Variants in EBF4 observed in about 807,000 individuals in gnomAD.
EBF4 encodes EBF transcription factor 4, also known as transcription factor COE4.
A neutral mutation model predicts 67.1 loss-of-function variants in EBF4; 34 were observed. The observed-to-expected ratio is 0.51, with a 90% CI of 0.39 to 0.67. The LOEUF is 0.67. EBF4 is among the 30% of genes least tolerant of loss of function. The pLI is 0.00. For missense variants in EBF4, 837 were observed against 873.3 expected, an observed-to-expected ratio of 0.96 and a Z score of 0.52; for synonymous variants, 387 against 377.7, an observed-to-expected ratio of 1.02 and a Z score of -0.29.
At chr20:2,736,895 G>A (rs539957616) in intron 6 of EBF4, among the ~76,000 whole-genome samples, 3 of 152,270 alleles carry the variant, frequency 2.0e-5, no homozygotes, top group East Asian at 3.9e-4. Flanking sequence ...CCAAGCTTAG[G>A]GCCAGACTGG....
chr20:2,737,214 C>G (rs1249581768), intron 6 of EBF4, among the ~76,000 whole-genome samples: 1 of 145,348 alleles, frequency 6.9e-6, no homozygotes, highest in African/African-American at 2.6e-5. Flanking sequence ...CGCGCCACTG[C>G]ACTCCAGCTT....
chr20:2,705,984 CGG>C lies in EBF4; in HGVS notation c.306_307del (p.Glu103LysfsTer3). The C allele has an allele frequency of 1.3e-6, 2 of 1,551,344 alleles. No homozygotes were observed. Among genetic ancestry groups the C allele is most frequent in the Non-Finnish European group, 1.7e-6 (2 of 1,146,910 alleles). On this transcript the variant is annotated frameshift_variant, in exon 3 of 17. Transcript: ENST00000609451. LOFTEE classifies it high-confidence loss of function. ...ATCTTGTCCCTGCAGGAGCCCGGGGCGGAAAAGACTAACAATGGGATCCATTA... is the reference window on the plus strand; with the variant it reads ...ATCTTGTCCCTGCAGGAGCCCGGGGCAAAAGACTAACAATGGGATCCATTA...
At chr20:2,710,904 G>A (rs181232193) in intron 6 of EBF4, among the ~76,000 whole-genome samples, 25 of 152,302 alleles carry the variant, frequency 1.6e-4, no homozygotes, top group African/African-American at 6.0e-4. Flanking sequence ...CACTTTGGGA[G>A]GCTGAGGCAG....
intron 6 of EBF4, among the ~76,000 whole-genome samples, chr20:2,716,824 C>T (rs1323560421): frequency 1.3e-5 from 2 of 152,064 alleles, no homozygotes; most frequent in Non-Finnish European, 2.9e-5. Flanking sequence ...TATTTTATTC[C>T]TTTGATCTAT....
At chr20:2,723,395 G>C (rs1364146539) in intron 6 of EBF4, among the ~76,000 whole-genome samples, 1 of 151,796 alleles carries the variant, frequency 6.6e-6, no homozygotes, top group Non-Finnish European at 1.5e-5. Flanking sequence ...CTGTCGCCCA[G>C]GCTGGAGTGC....
intron 6 of EBF4, among the ~76,000 whole-genome samples, chr20:2,737,817 GAAAAA>G (rs5839969): frequency 7.0e-6 from 1 of 143,726 alleles, no homozygotes; most frequent in Admixed American, 6.8e-5. Context: ...CTAAAAATGT[GAAAAA>G]AAAAAAAAAA....
intron 6 of EBF4, among the ~76,000 whole-genome samples, chr20:2,719,571 C>G (rs28809533): frequency 0.035 from 5,312 of 152,262 alleles, 324 homozygotes; most frequent in African/African-American, 0.12. Context: ...CCGTGCCTGG[C>G]CTTTTGTATT....
intron 6 of EBF4, among the ~76,000 whole-genome samples, chr20:2,721,523 C>T (rs990924863): frequency 8.6e-5 from 13 of 151,998 alleles, no homozygotes; most frequent in East Asian, 1.9e-4. Context: ...GGCACGATCT[C>T]GGCTCACTGC....
At chr20:2,712,375 C>G in intron 6 of EBF4, among the ~76,000 whole-genome samples, 1 of 152,050 alleles carries the variant, frequency 6.6e-6, no homozygotes, top group South Asian at 2.1e-4. Flanking sequence ...ATTTCATAGG[C>G]AGGACTGACA....
chr20:2,755,307 T>A lies in EBF4; in HGVS notation c.1541-320T>A, dbSNP rs998512498. On this transcript the variant is annotated intron_variant, in intron 14 of 16. Transcript: ENST00000609451. This position sits in a 1 kb window ranked among gnomAD's most constrained non-coding sequence, Gnocchi z 4.7. Reference sequence around the variant, plus strand: ...GAATCCCAGGGGTTTTCAGCAGAAATCCTGAAGTAGTCCAGCTGTTGCTCA... The same window carrying A: ...GAATCCCAGGGGTTTTCAGCAGAAAACCTGAAGTAGTCCAGCTGTTGCTCA... The A allele has an allele frequency of 5.7e-6, 2 of 350,832 alleles. No individual in the cohort carries two copies. The highest frequency in any genetic ancestry group is 4.2e-5 in the African/African-American group (2 of 47,130). 21.7% of individuals were successfully genotyped at this position (350,832 alleles called of 1,614,324 possible).
At chr20:2,693,335 G>C (rs1177085486), upstream of EBF4, among the ~76,000 whole-genome samples, 13 of 150,432 alleles carry the variant, frequency 8.6e-5, no homozygotes, top group Admixed American at 8.6e-4. The surrounding 1 kb of genome is among the most constrained non-coding windows in gnomAD (Gnocchi z 4.6). Context: ...GCGCCTCCGC[G>C]CGGACCGGGT....
chr20:2,748,237 GACTT>G (rs2088080820), intron 6 of EBF4, among the ~76,000 whole-genome samples: 1 of 152,102 alleles, frequency 6.6e-6, no homozygotes, highest in Non-Finnish European at 1.5e-5. Context: ...GTATATAATG[GACTT>G]ACTCTTCATG....
chr20:2,704,106 T>C (rs1156883668), intron 1 of EBF4, among the ~76,000 whole-genome samples: 1 of 152,184 alleles, frequency 6.6e-6, no homozygotes, highest in Non-Finnish European at 1.5e-5. Flanking sequence ...TTGGAAGTTA[T>C]ATGCTATTAC....
At chr20:2,730,694 A>G (rs1028449388) in intron 6 of EBF4, among the ~76,000 whole-genome samples, 2 of 152,238 alleles carry the variant, frequency 1.3e-5, no homozygotes, top group African/African-American at 4.8e-5. Context: ...ACATACATGA[A>G]GCACTGTTCC....
intron 1 of EBF4, among the ~76,000 whole-genome samples, chr20:2,704,395 G>A (rs916093506): frequency 3.3e-5 from 5 of 152,182 alleles, no homozygotes; most frequent in African/African-American, 7.2e-5. Flanking sequence ...TTGGAAGGCC[G>A]TGGCTCAGAG....
chr20:2,760,001 G>A (rs568455899), downstream of EBF4: 3 of 152,248 alleles, frequency 2.0e-5, no homozygotes, highest in South Asian at 2.1e-4. The surrounding 1 kb of genome is among the most constrained non-coding windows in gnomAD (Gnocchi z 4.2). Flanking sequence ...GGGCCCAGCC[G>A]CCCCCCAGGT....
Position 2,755,521 on chromosome 20 carries a change from A to G in EBF4, c.1541-106A>G, listed in dbSNP as rs2088227786. 7 of 655,652 alleles carry G rather than the reference A, an allele frequency of 1.1e-5. No individual in the cohort carries two copies. The highest frequency in any genetic ancestry group is 1.9e-5 in the Non-Finnish European group (7 of 361,910). The allele number at this position is 655,652 out of a possible 1,614,324, so 40.6% of individuals were successfully genotyped here. On this transcript the variant is annotated intron_variant, in intron 14 of 16. Coordinates refer to ENST00000609451, the Ensembl canonical transcript of EBF4. This position sits in a 1 kb window ranked among gnomAD's most constrained non-coding sequence, Gnocchi z 4.7. ...ATCTGAGCCTGGTACCTGTGTCAGC[A>G]GCCCATGTGGGGCCCCAGCCAAGCT...
intron 8 of EBF4, 31 bp from the exon 9 acceptor site, chr20:2,749,588 TC>T (rs2088106318): frequency 1.9e-6 from 3 of 1,549,026 alleles, no homozygotes; most frequent in South Asian, 1.2e-5. Flanking sequence ...CTCAGCGCGG[TC>T]CCCTGACCTG....
rs111282088 is a variant in EBF4 at position 2,724,384 on chromosome 20, C to T, written c.557+14742C>T. On this transcript the variant is annotated intron_variant, in intron 6 of 16. Transcript: ENST00000609451. ...TTTTAACTCTGCTAAATTTTCTGCTCACCTTTTCCTTCTTGCATTTTGCAG... is the reference window on the plus strand; with the variant it reads ...TTTTAACTCTGCTAAATTTTCTGCTTACCTTTTCCTTCTTGCATTTTGCAG... 2.0e-3 allele frequency among the ~76,000 whole-genome samples: 301 copies of T among 152,196 alleles called. 1 individual carries two copies. The highest frequency in any genetic ancestry group is 7.0e-3 in the African/African-American group (291 of 41,518).
Sources: gnomAD v4.1 joint callset for allele counts (sites outside exome capture counted in the v4.1 genomes callset) on GRCh38, gnomAD v4.1.1 for gene constraint, Gnocchi (gnomAD v3.1) non-coding constraint, MANE v1.5 for transcripts, NCBI Gene and HGNC (gene_info 2026-07-23, HGNC 2026-07-21) for gene names.